Variants in PAPSS1 observed in about 807,000 individuals in gnomAD.
PAPSS1 encodes bifunctional 3'-phosphoadenosine 5'-phosphosulfate synthase 1.
A neutral mutation model predicts 72.0 loss-of-function variants in PAPSS1; 50 were observed. The ratio of observed to expected loss-of-function variants is 0.69; its 90% CI spans 0.55 to 0.88. PAPSS1 has a LOEUF of 0.88. Among genes scored for constraint, PAPSS1 ranks in the 40% least tolerant of loss-of-function variants. The pLI is 0.00. For synonymous variants in PAPSS1, 261 were observed against 263.6 expected (o/e 0.99, Z 0.09); for missense variants, 657 against 782.2 (o/e 0.84, Z 1.91).
chr4:107,686,788 G>T (rs1197515349), intron 4 of PAPSS1, among the ~76,000 whole-genome samples: 1 of 152,144 alleles, frequency 6.6e-6, no homozygotes. Flanking sequence ...TATCAAGTAG[G>T]TTTTCGCCAA....
intron 2 of PAPSS1, among the ~76,000 whole-genome samples, chr4:107,700,565 C>T (rs1427232599): frequency 6.6e-6 from 1 of 152,156 alleles, no homozygotes; most frequent in Non-Finnish European, 1.5e-5. Context: ...AAACTTAATC[C>T]TCAATGCAAC....
chr4:107,614,277 T>G lies in PAPSS1; in HGVS notation c.1847A>C (p.Glu616Ala). The change falls in exon 12 of 12, where the codon GAA (glutamate) becomes GCA (alanine). Residue 616 changes from glutamate to alanine, a missense_variant. By Grantham distance (107) the Glu-to-Ala change is moderately radical (BLOSUM62 -1). Transcript: ENST00000265174. ...MAPKAWTVLT[E>A]YYKSLEKA ...AGCTTTCTCCAAGGATTTGTAGTAT[T>G]CTGTCAGCACGGTCCAAGCCTTGGG... is the stretch of plus-strand genomic sequence containing the variant. The G allele has an allele frequency of 6.2e-7, 1 of 1,613,904 alleles. No homozygotes were observed. The highest frequency in any genetic ancestry group is 8.5e-7 in the Non-Finnish European group (1 of 1,179,838).
chr4:107,621,063 A>T (rs1725941632), intron 11 of PAPSS1, among the ~76,000 whole-genome samples: 1 of 152,104 alleles, frequency 6.6e-6, no homozygotes, highest in South Asian at 2.1e-4. Context: ...GAAAAACTAT[A>T]CTCTGTGTTT....
intron 1 of PAPSS1, 133 bp from the exon 2 acceptor site, chr4:107,701,418 T>G (rs1302229585): frequency 1.7e-6 from 1 of 581,354 alleles, no homozygotes; most frequent in African/African-American, 1.9e-5. Context: ...TTTTTTTTTT[T>G]CCTTAGAGTA....
intron 1 of PAPSS1, among the ~76,000 whole-genome samples, chr4:107,711,653 C>T (rs1199158057): frequency 6.6e-6 from 1 of 152,132 alleles, no homozygotes; most frequent in Non-Finnish European, 1.5e-5. Context: ...TGGTAACAGG[C>T]ACATTTCTTT....
At chr4:107,644,064 C>A (rs1405377463) in intron 10 of PAPSS1, among the ~76,000 whole-genome samples, 2 of 152,110 alleles carry the variant, frequency 1.3e-5, no homozygotes, top group African/African-American at 4.8e-5. Context: ...CAAACTGTGC[C>A]TGGACTCCTC....
intron 1 of PAPSS1, among the ~76,000 whole-genome samples, chr4:107,702,538 T>A (rs1210416254): frequency 6.6e-6 from 1 of 152,200 alleles, no homozygotes; most frequent in Admixed American, 6.5e-5. Flanking sequence ...CAGTCCCTGA[T>A]AAACACCATT....
rs370498249 is a variant in PAPSS1, at chr4:107,684,969, A to G, written c.550+2070T>C. On this transcript the variant is annotated intron_variant, in intron 4 of 11. Coordinates refer to ENST00000265174, the MANE Select transcript of PAPSS1 (RefSeq NM_005443.5). ...CGCCCAGGCTAGAGTGCAGTGGCAC[A>G]ATTTCGGCTCACTGCAAGCTCTGCC... 5.9e-5 allele frequency among the ~76,000 whole-genome samples: 9 copies of G among 152,074 alleles called. No homozygotes were observed. In the East Asian group the frequency reaches 7.8e-4, roughly 13 times the overall value.
At chr4:107,663,113 C>T (rs2110324819) in intron 5 of PAPSS1, among the ~76,000 whole-genome samples, 1 of 152,232 alleles carries the variant, frequency 6.6e-6, no homozygotes, top group South Asian at 2.1e-4. Flanking sequence ...ATTAGGACTT[C>T]TGTGAGGAAG....
rs752858688 is a variant in PAPSS1, at chr4:107,669,192, C to G, written c.670-9120G>C. 3.9e-5 allele frequency among the ~76,000 whole-genome samples: 6 copies of G among 152,308 alleles called. No homozygotes were observed. In the East Asian group the frequency reaches 1.2e-3, roughly 29 times the overall value. ...TTGATATGAAAAGTACACATTATAG[C>G]AAGTCACTTTGCAATGAAGTACAGT... is the stretch of plus-strand genomic sequence containing the variant. On this transcript the variant is annotated intron_variant, in intron 5 of 11. Transcript: ENST00000265174.
chr4:107,619,936 C>A (rs1453017883), intron 11 of PAPSS1, among the ~76,000 whole-genome samples: 11 of 152,160 alleles, frequency 7.2e-5, no homozygotes, highest in Non-Finnish European at 1.3e-4. Context: ...AACATACTAA[C>A]CACATGTGGC....
chr4:107,658,342 G>A (rs1323840288), intron 6 of PAPSS1, among the ~76,000 whole-genome samples: 33 of 137,920 alleles, frequency 2.4e-4, no homozygotes, highest in African/African-American at 7.1e-4. Flanking sequence ...GCAACACAGC[G>A]AGACTCCATT....
chr4:107,677,072 C>T (rs1727672079), intron 5 of PAPSS1, among the ~76,000 whole-genome samples: 1 of 152,064 alleles, frequency 6.6e-6, no homozygotes, highest in Non-Finnish European at 1.5e-5. Context: ...CACCTAAAAC[C>T]ATAAAAACCC....
At chr4:107,659,875 CA>C in intron 6 of PAPSS1, 83 bp downstream of exon 6, 1 of 727,548 alleles carries the variant, frequency 1.4e-6, no homozygotes, top group Non-Finnish European at 2.3e-6. Flanking sequence ...CCCCTGGCCT[CA>C]AATACTGCTA....
At chr4:107,673,911 G>T (rs889293508) in intron 5 of PAPSS1, among the ~76,000 whole-genome samples, 2 of 152,186 alleles carry the variant, frequency 1.3e-5, no homozygotes, top group Non-Finnish European at 2.9e-5. Flanking sequence ...TTAAAGAAAA[G>T]AATTTTCAAC....
At chr4:107,671,907 T>C (rs751300581) in intron 5 of PAPSS1, among the ~76,000 whole-genome samples, 1 of 152,178 alleles carries the variant, frequency 6.6e-6, no homozygotes, top group Non-Finnish European at 1.5e-5. Flanking sequence ...TCCACAAATG[T>C]GGAACCCACA....
Position 107,720,188 on chromosome 4 carries a change from A to G in PAPSS1, c.-9T>C, listed in dbSNP as rs1303095599. 1.3e-6 allele frequency: 2 copies of G among 1,599,930 alleles called. No homozygotes were observed. The highest frequency in any genetic ancestry group is 1.7e-6 in the Non-Finnish European group (2 of 1,174,478). On this transcript the variant is annotated 5_prime_UTR_variant, in exon 1 of 12. Coordinates refer to ENST00000265174, the MANE Select transcript of PAPSS1 (RefSeq NM_005443.5). The stretch of plus-strand genomic sequence containing the variant: ...CTCCCGGGGATCTCCATGACCGCGG[A>G]GCGCGCTGAGCAGCCGGGGTTCTCT...
chr4:107,662,060 A>T (rs1261426177), intron 5 of PAPSS1, among the ~76,000 whole-genome samples: 1 of 152,238 alleles, frequency 6.6e-6, no homozygotes, highest in Non-Finnish European at 1.5e-5. Context: ...AATAATTAAA[A>T]AAATAAATAA....
At chr4:107,672,253 T>G (rs1489092786) in intron 5 of PAPSS1, among the ~76,000 whole-genome samples, 1 of 152,038 alleles carries the variant, frequency 6.6e-6, no homozygotes, top group Non-Finnish European at 1.5e-5. Context: ...AAGCATGAGA[T>G]GAAGCAGGGC....
Sources: gnomAD v4.1 joint callset for allele counts (sites outside exome capture counted in the v4.1 genomes callset) on GRCh38, gnomAD v4.1.1 for gene constraint, MANE v1.5 for transcripts, NCBI Gene and HGNC (gene_info 2026-07-23, HGNC 2026-07-21) for gene names.